Variants in MYO1H observed in about 807,000 individuals in gnomAD.
The protein encoded by MYO1H is unconventional myosin-Ih.
A neutral mutation model predicts 149.3 loss-of-function variants in MYO1H; 118 were observed. The observed-to-expected ratio is 0.79, with a 90% CI of 0.68 to 0.92. The LOEUF (loss-of-function observed/expected upper bound fraction) is 0.92, where lower values mean the gene tolerates loss of function less well. Ranked by LOEUF, MYO1H falls within the 40% of genes least tolerant of loss-of-function variation. The pLI is 0.00. For synonymous variants in MYO1H, 447 were observed against 465.2 expected, an observed-to-expected ratio of 0.96 and a Z score of 0.50; for missense variants, 1,212 against 1,280.7, an observed-to-expected ratio of 0.95 and a Z score of 0.82.
At chr12:109,355,940 A>G (rs1299964140) in intron 1 of MYO1H, among the ~76,000 whole-genome samples, 1 of 148,372 alleles carries the variant, frequency 6.7e-6, no homozygotes, top group African/African-American at 2.5e-5. Context: ...CTGATCTTAA[A>G]CTCCTGACCT....
At chr12:109,410,011 G>A (rs1048669275) in exon 12 of MYO1H, 7 of 1,545,348 alleles carry the variant, frequency 4.5e-6, no homozygotes, top group Non-Finnish European at 6.1e-6. Context: ...TCCAGCAACT[G>A]TTAATTGAGA....
At chr12:109,425,085 C>T (rs1185513760) in intron 17 of MYO1H, among the ~76,000 whole-genome samples, 1 of 152,076 alleles carries the variant, frequency 6.6e-6, no homozygotes, top group Non-Finnish European at 1.5e-5. Flanking sequence ...GACTGGGTAA[C>T]ATAATGAGAC....
At chr12:109,396,329 G>A in intron 3 of MYO1H, 55 bp from the exon 4 acceptor site, 2 of 1,447,672 alleles carry the variant, frequency 1.4e-6, no homozygotes, top group Middle Eastern at 3.6e-4. Flanking sequence ...GTGGGTGTCA[G>A]AGTCAAGGGA....
chr12:109,407,765 A>G (rs1370612788), intron 9 of MYO1H, 29 bp from the exon 10 acceptor site: 2 of 1,610,624 alleles, frequency 1.2e-6, no homozygotes, highest in Non-Finnish European at 1.7e-6. Flanking sequence ...TTTTCCACCT[A>G]TAATGATGCA....
At chr12:109,405,240 G>C (rs955952851) in intron 7 of MYO1H, among the ~76,000 whole-genome samples, 20 of 152,042 alleles carry the variant, frequency 1.3e-4, no homozygotes, top group Admixed American at 6.6e-5. Flanking sequence ...TGGATGGATA[G>C]ATAGATAGAT....
intron 2 of MYO1H, among the ~76,000 whole-genome samples, chr12:109,391,825 C>G (rs1477432936): frequency 6.6e-6 from 1 of 152,124 alleles, no homozygotes; most frequent in African/African-American, 2.4e-5. Context: ...TGGTGTTGAG[C>G]TTTTTTTCAT....
the MYO1H span, among the ~76,000 whole-genome samples, chr12:109,311,880 G>C: frequency 6.6e-6 from 1 of 152,216 alleles, no homozygotes; most frequent in African/African-American, 2.4e-5. Context: ...AAAGCAATAG[G>C]TATGTGGCTT....
upstream of MYO1H, among the ~76,000 whole-genome samples, chr12:109,345,453 C>T (rs952425857): frequency 1.4e-4 from 22 of 151,964 alleles, no homozygotes; most frequent in African/African-American, 5.3e-4. Context: ...AGGTGAACAA[C>T]AATAACAGGT....
At chr12:109,390,141 T>G (rs1460569966) in intron 2 of MYO1H, among the ~76,000 whole-genome samples, 2 of 152,132 alleles carry the variant, frequency 1.3e-5, no homozygotes, top group Admixed American at 6.6e-5. Context: ...TATTGAAACT[T>G]CTCTGCTTTG....
At chr12:109,358,973 C>A (rs1868675746) in intron 1 of MYO1H, among the ~76,000 whole-genome samples, 1 of 151,746 alleles carries the variant, frequency 6.6e-6, no homozygotes, top group Admixed American at 6.6e-5. Flanking sequence ...GGAATATACA[C>A]CCAGCCCATC....
At chr12:109,417,367 T>G (rs139612654) in intron 15 of MYO1H, among the ~76,000 whole-genome samples, 2 of 152,040 alleles carry the variant, frequency 1.3e-5, no homozygotes, top group Admixed American at 6.6e-5. Context: ...CTGCTCTGTC[T>G]CCCAGGCTGG....
chr12:109,440,782 G>C, exon 25 of MYO1H: 1 of 1,566,574 alleles, frequency 6.4e-7, no homozygotes, highest in South Asian at 1.2e-5. Flanking sequence ...TGAGGAACCT[G>C]GTGCAGAAGT....
In MYO1H at chr12:109,443,285, C is replaced by CGTATATGTGTGTGTATATGTGTAT. The variant is rs1566045332; in HGVS notation, c.2689-223_2689-222insGTGTGTGTATATGTGTATGTATAT. On this transcript the variant is annotated intron_variant, in intron 27 of 31. Transcript: ENST00000310903. ...ACGTATATGTGTGTGTATATGTGTA[C>CGTATATGTGTGTGTATATGTGTAT]GTATATATGTGTGTATATATGTGTA... 9.1e-5 allele frequency among the ~76,000 whole-genome samples: 8 copies of CGTATATGTGTGTGTATATGTGTAT among 88,330 alleles called. 3 individuals are homozygous for CGTATATGTGTGTGTATATGTGTAT. Among genetic ancestry groups the CGTATATGTGTGTGTATATGTGTAT allele is most frequent in the African/African-American group, 3.3e-4 (8 of 23,890 alleles). 57.9% of individuals were successfully genotyped at this position (88,330 alleles called of 152,430 possible). A position where few individuals can be genotyped will look rare whatever the true frequency, so the allele number is the denominator to read the frequency against.
At chr12:109,330,499 T>G in the MYO1H span, among the ~76,000 whole-genome samples, 18 of 152,188 alleles carry the variant, frequency 1.2e-4, no homozygotes, top group Admixed American at 8.5e-4. Flanking sequence ...CTTCCTCATT[T>G]AATAACTGGA....
chr12:109,442,237 A>C (rs368627459), exon 27 of MYO1H: 1 of 1,613,994 alleles, frequency 6.2e-7, no homozygotes, highest in African/African-American at 1.3e-5. Flanking sequence ...CATTAATCCG[A>C]AAGTGCTTCA....
At chr12:109,432,990 C>T (rs534505014) in exon 20 of MYO1H, 15 of 1,613,832 alleles carry the variant, frequency 9.3e-6, no homozygotes, top group South Asian at 3.3e-5. Context: ...GCTACAAACC[C>T]GAGGAATACA....
chr12:109,411,511 T>C (rs1384505107), intron 13 of MYO1H, among the ~76,000 whole-genome samples: 1 of 152,266 alleles, frequency 6.6e-6, no homozygotes, highest in Non-Finnish European at 1.5e-5. Context: ...TAACTGGTTT[T>C]ATACCTTTCT....
chr12:109,393,514 T>C lies in MYO1H; in HGVS notation c.290+68T>C, dbSNP rs900945070. Reference sequence around the variant, plus strand: ...TTTCCCCTTCCTCTCTCTCCTTCCTTCTCACCACGCATCTGTCCATCCATT... The same window carrying C: ...TTTCCCCTTCCTCTCTCTCCTTCCTCCTCACCACGCATCTGTCCATCCATT... On this transcript the variant is annotated intron_variant, in intron 3 of 31. Coordinates refer to ENST00000310903, the Ensembl canonical transcript of MYO1H. 13 of 978,806 alleles carry C rather than the reference T, an allele frequency of 1.3e-5. No homozygotes were observed. In the African/African-American group the frequency reaches 1.9e-4, roughly 15 times the overall value. The allele number at this position is 978,806 out of a possible 1,614,324, so 60.6% of individuals were successfully genotyped here. A position where few individuals can be genotyped will look rare whatever the true frequency, so the allele number is the denominator to read the frequency against.
chr12:109,403,193 G>A (rs969145393), intron 6 of MYO1H, among the ~76,000 whole-genome samples: 7 of 152,062 alleles, frequency 4.6e-5, no homozygotes, highest in Non-Finnish European at 7.3e-5. Context: ...ATTTTATATC[G>A]GCCACTTTAA....
Sources: allele counts gnomAD v4.1 joint callset (sites outside exome capture counted in the v4.1 genomes callset), GRCh38; gene constraint gnomAD v4.1.1; transcripts MANE v1.5; gene names NCBI Gene and HGNC (gene_info 2026-07-23, HGNC 2026-07-21).